CFAP77: variants seen among roughly 807,000 people sequenced by gnomAD.
CFAP77 encodes cilia- and flagella-associated protein 77.
In CFAP77, 25 loss-of-function variants were observed where a neutral mutation model predicts 31.1. The ratio of observed to expected loss-of-function variants is 0.80; its 90% confidence interval spans 0.59 to 1.12. The LOEUF (loss-of-function observed/expected upper bound fraction) is 1.12, where lower values mean the gene tolerates loss of function less well. CFAP77 is among the 50% of genes most tolerant of loss of function. The pLI is 0.00. For synonymous variants in CFAP77, 151 were observed against 159.9 expected, an observed-to-expected ratio of 0.94 and a Z score of 0.42; for missense variants, 377 against 397.3, an observed-to-expected ratio of 0.95 and a Z score of 0.44.
At chr9:132,540,059 T>G (rs1025611513) in intron 4 of CFAP77, among the ~76,000 whole-genome samples, 2 of 152,118 alleles carry the variant, frequency 1.3e-5, no homozygotes, top group Non-Finnish European at 2.9e-5. Context: ...GCCTCCTGAG[T>G]AGCTGGGATT....
At chr9:132,512,647 C>A (rs1216616816) in intron 3 of CFAP77, among the ~76,000 whole-genome samples, 1 of 152,164 alleles carries the variant, frequency 6.6e-6, no homozygotes, top group Non-Finnish European at 1.5e-5. Flanking sequence ...TGTAATCAGT[C>A]AAAAGATGAT....
intron 1 of CFAP77, among the ~76,000 whole-genome samples, chr9:132,475,267 G>A (rs1167434204): frequency 1.3e-5 from 2 of 152,190 alleles, no homozygotes; most frequent in Non-Finnish European, 2.9e-5. Flanking sequence ...ATTCTGAAAA[G>A]GGCAGTTGGA....
At chr9:132,522,817 G>T (rs1485633655) in intron 3 of CFAP77, among the ~76,000 whole-genome samples, 1 of 152,164 alleles carries the variant, frequency 6.6e-6, no homozygotes, top group Admixed American at 6.5e-5. Flanking sequence ...TCTGATGTTC[G>T]GTGTGGACCT....
At chr9:132,546,044 C>T (rs556784451) in intron 5 of CFAP77, among the ~76,000 whole-genome samples, 94 of 152,334 alleles carry the variant, frequency 6.2e-4, no homozygotes, top group African/African-American at 2.2e-3. Flanking sequence ...ACACCTTGTC[C>T]CCAGAGGCCA....
At chr9:132,477,998 G>A (rs906976302) in intron 1 of CFAP77, among the ~76,000 whole-genome samples, 3 of 152,166 alleles carry the variant, frequency 2.0e-5, no homozygotes, top group African/African-American at 7.2e-5. Flanking sequence ...ACTAAGACAG[G>A]AGATTAAGGA....
intron 3 of CFAP77, among the ~76,000 whole-genome samples, chr9:132,503,341 C>T (rs1851885519): frequency 6.6e-6 from 1 of 152,246 alleles, no homozygotes; most frequent in African/African-American, 2.4e-5. Context: ...CCGTGCTGTG[C>T]ACTAGGTCAC....
intron 1 of CFAP77, among the ~76,000 whole-genome samples, chr9:132,463,521 T>C (rs1851098258): frequency 6.6e-6 from 1 of 151,760 alleles, no homozygotes; most frequent in South Asian, 2.1e-4. Flanking sequence ...CTGAACGAAG[T>C]GGTCTTTCCT....
intron 1 of CFAP77, among the ~76,000 whole-genome samples, chr9:132,468,249 G>C (rs1851189585): frequency 6.6e-6 from 1 of 152,160 alleles, no homozygotes; most frequent in East Asian, 1.9e-4. Context: ...AGGAGGCTGA[G>C]GGGGGAGGAT....
rs1048047268 is a variant in CFAP77, at chr9:132,564,810, T to C, written c.733-7578T>C. On this transcript the variant is annotated intron_variant, in intron 5 of 5. Transcript: ENST00000393216. The surrounding 1 kb of genome is among the most constrained non-coding windows in gnomAD (Gnocchi z 4.6). ...TTGGAAAAGCACAGATGCTTTCAAATGAGTTAGAAAATGGGGCCCACCGCT... is the reference window on the plus strand; with the variant it reads ...TTGGAAAAGCACAGATGCTTTCAAACGAGTTAGAAAATGGGGCCCACCGCT... 1.3e-5 allele frequency among the ~76,000 whole-genome samples: 2 copies of C among 152,186 alleles called. No homozygotes were observed. Among genetic ancestry groups the C allele is most frequent in the Non-Finnish European group, 2.9e-5 (2 of 68,036 alleles).
At chr9:132,432,950 G>A (rs1159206946) in intron 1 of CFAP77, among the ~76,000 whole-genome samples, 2 of 152,098 alleles carry the variant, frequency 1.3e-5, no homozygotes, top group African/African-American at 4.8e-5. Context: ...TCCTGACCTT[G>A]TGATCTGCCC....
chr9:132,529,510 A>AAAAAACAAACAAACAAAC (rs1589908628), intron 3 of CFAP77, among the ~76,000 whole-genome samples: 16 of 132,736 alleles, frequency 1.2e-4, no homozygotes, highest in African/African-American at 4.9e-4. Flanking sequence ...AGTATAATAA[A>AAAAAACAAACAAACAAAC]AAAAAAAAAC....
intron 3 of CFAP77, among the ~76,000 whole-genome samples, chr9:132,508,232 T>A (rs1851970399): frequency 6.6e-6 from 1 of 152,236 alleles, no homozygotes; most frequent in African/African-American, 2.4e-5. Flanking sequence ...ACTGATGTCA[T>A]GAGTCTGCAG....
rs1406654971 is a variant in CFAP77 at position 132,564,965 on chromosome 9, T to G, written c.733-7423T>G. On this transcript the variant is annotated intron_variant, in intron 5 of 5. Coordinates refer to ENST00000393216, the MANE Select transcript of CFAP77 (RefSeq NM_001282957.2). The surrounding 1 kb of genome is among the most constrained non-coding windows in gnomAD (Gnocchi z 4.6). ...GACCTGGGAGGGTCACTTCTCACCTTCGGGCCTTGGGTTTTCCATCTGTAG... is the reference window on the plus strand; with the variant it reads ...GACCTGGGAGGGTCACTTCTCACCTGCGGGCCTTGGGTTTTCCATCTGTAG... 1.1e-4 allele frequency among the ~76,000 whole-genome samples: 17 copies of G among 152,140 alleles called. 1 individual carries two copies. The highest frequency in any genetic ancestry group is 2.5e-4 in the Non-Finnish European group (17 of 68,018).
At position 132,456,058 on chromosome 9, in the gene CFAP77, C is replaced by T. The variant is rs117323195; in HGVS notation, c.196-42637C>T. Among the ~76,000 whole-genome samples, 7 of 152,286 alleles carry T rather than the reference C, an allele frequency of 4.6e-5. No individual in the cohort carries two copies. The South Asian group carries it at 6.2e-4, about 14-fold the overall frequency. On this transcript the variant is annotated intron_variant, in intron 1 of 5. Transcript: ENST00000393216. ...AAATGTGAGTGCTGGGCCTGGCACTCGTCCATCCACGAATATTTTATGAAG... is the reference window on the plus strand; with the variant it reads ...AAATGTGAGTGCTGGGCCTGGCACTTGTCCATCCACGAATATTTTATGAAG...
At chr9:132,438,566 G>A (rs1360406939) in intron 1 of CFAP77, among the ~76,000 whole-genome samples, 1 of 122,874 alleles carries the variant, frequency 8.1e-6, no homozygotes, top group Non-Finnish European at 1.7e-5. Context: ...TTTAGACAGG[G>A]TCTCAAGTCA....
rs569741086 is a variant in CFAP77 at position 132,447,205 on chromosome 9, GT to G, written c.195+36743del. ...CTCTGCCACTGATTCTGCATTTTAT[GT>G]TTTCCCCCCTTAAAATCAACTAATG... On this transcript the variant is annotated intron_variant, in intron 1 of 5. Transcript: ENST00000393216. 1.5e-4 allele frequency among the ~76,000 whole-genome samples: 23 copies of G among 152,332 alleles called. 1 individual carries two copies. The highest frequency in any genetic ancestry group is 8.3e-4 in the South Asian group (4 of 4,824).
chr9:132,469,958 A>T (rs1030390408), intron 1 of CFAP77, among the ~76,000 whole-genome samples: 4 of 149,218 alleles, frequency 2.7e-5, no homozygotes, highest in Non-Finnish European at 5.9e-5. Flanking sequence ...TCCTGCCTCA[A>T]CCTCCCAAGT....
intron 1 of CFAP77, among the ~76,000 whole-genome samples, chr9:132,411,084 C>T (rs553112270): frequency 4.6e-5 from 7 of 152,278 alleles, no homozygotes; most frequent in Non-Finnish European, 7.3e-5. Flanking sequence ...GATCACTTTC[C>T]CTTCCATTAC....
rs999723785 is a variant in CFAP77, at chr9:132,480,494, G to A, written c.196-18201G>A. Among the ~76,000 whole-genome samples the A allele has an allele frequency of 6.6e-6, 1 of 152,350 alleles. No homozygotes were observed. The highest frequency in any genetic ancestry group is 2.1e-4 in the South Asian group (1 of 4,828). On this transcript the variant is annotated intron_variant, in intron 1 of 5. Transcript: ENST00000393216. This position sits in a 1 kb window ranked among gnomAD's most constrained non-coding sequence, Gnocchi z 5.8. ...CAGTCACGTGAGCATCCCAGAGCAT[G>A]TGCTGAAGACCTACTGTGTGCCGGG...
Sources: gnomAD v4.1 joint callset for allele counts (sites outside exome capture counted in the v4.1 genomes callset) on GRCh38, gnomAD v4.1.1 for gene constraint, Gnocchi (gnomAD v3.1) non-coding constraint, MANE v1.5 for transcripts, NCBI Gene and HGNC (gene_info 2026-07-23, HGNC 2026-07-21) for gene names.